The following HS3ST4 variants were observed in gnomAD, a reference collection of about 807,000 sequenced individuals.
The protein encoded by HS3ST4 is heparan sulfate glucosamine 3-O-sulfotransferase 4.
A neutral mutation model predicts 29.2 loss-of-function variants in HS3ST4; 17 were observed. The ratio of observed to expected loss-of-function variants is 0.58; its 90% confidence interval spans 0.40 to 0.87. HS3ST4 has a LOEUF of 0.87. Ranked by LOEUF, HS3ST4 falls within the 40% of genes least tolerant of loss-of-function variation. The probability of loss-of-function intolerance (pLI) is 0.00; values close to 1 mark genes in which losing one functional copy is unlikely to be tolerated. For missense variants in HS3ST4, 627 were observed against 634.5 expected, an observed-to-expected ratio of 0.99 and a Z score of 0.13; for synonymous variants, 314 against 285.7, an observed-to-expected ratio of 1.10 and a Z score of -1.00.
chr16:25,740,806 C>T (rs1966646586), intron 1 of HS3ST4, among the ~76,000 whole-genome samples: 1 of 152,142 alleles, frequency 6.6e-6, no homozygotes, highest in Non-Finnish European at 1.5e-5. Context: ...ACCAGGGGTT[C>T]ACATATCCTT....
intron 1 of HS3ST4, among the ~76,000 whole-genome samples, chr16:25,715,985 G>A (rs1276182430): frequency 6.6e-6 from 1 of 152,224 alleles, no homozygotes; most frequent in African/African-American, 2.4e-5. Flanking sequence ...CAGGGAAAGA[G>A]GTCAGGGGGA....
At chr16:25,855,917 A>G (rs1967570036) in intron 1 of HS3ST4, among the ~76,000 whole-genome samples, 1 of 152,028 alleles carries the variant, frequency 6.6e-6, no homozygotes, top group African/African-American at 2.4e-5. Context: ...GAAAGGATAG[A>G]GGGGCCTGGA....
chr16:26,040,413 C>G (rs746516940), intron 1 of HS3ST4, among the ~76,000 whole-genome samples: 26 of 151,934 alleles, frequency 1.7e-4, no homozygotes, highest in Middle Eastern at 3.4e-3. Context: ...AAGGGATTCT[C>G]CTGCCTCAGC....
chr16:25,832,847 G>C (rs1967318243), intron 1 of HS3ST4, among the ~76,000 whole-genome samples: 1 of 152,122 alleles, frequency 6.6e-6, no homozygotes, highest in African/African-American at 2.4e-5. Flanking sequence ...AGCACAATTT[G>C]CAGCAAAGAC....
chr16:25,811,046 G>T (rs183907057), intron 1 of HS3ST4, among the ~76,000 whole-genome samples: 1 of 152,230 alleles, frequency 6.6e-6, no homozygotes, highest in South Asian at 2.1e-4. Flanking sequence ...ATTAAGAAAC[G>T]GTTGGTGGTG....
chr16:26,035,509 A>G (rs1969574355), intron 1 of HS3ST4, among the ~76,000 whole-genome samples: 1 of 152,256 alleles, frequency 6.6e-6, no homozygotes, highest in Non-Finnish European at 1.5e-5. Flanking sequence ...GGTGAAGTCA[A>G]CAATATCCAT....
chr16:25,999,349 G>A (rs1969185098), intron 1 of HS3ST4, among the ~76,000 whole-genome samples: 1 of 152,116 alleles, frequency 6.6e-6, no homozygotes, highest in African/African-American at 2.4e-5. Context: ...GGTGCTGCTA[G>A]GGTTAGCTGT....
intron 1 of HS3ST4, among the ~76,000 whole-genome samples, chr16:25,834,488 C>T (rs570626274): frequency 1.1e-4 from 16 of 152,292 alleles, no homozygotes; most frequent in Non-Finnish European, 1.9e-4. Context: ...CAGGACTACA[C>T]GCTGCCATGG....
At chr16:25,843,492 C>T (rs1967436110) in intron 1 of HS3ST4, among the ~76,000 whole-genome samples, 1 of 152,190 alleles carries the variant, frequency 6.6e-6, no homozygotes, top group Admixed American at 6.5e-5. Context: ...AGTATTCTAT[C>T]AACCAAATAT....
intron 1 of HS3ST4, among the ~76,000 whole-genome samples, chr16:25,710,011 A>G (rs1014278113): frequency 6.6e-6 from 1 of 152,194 alleles, no homozygotes; most frequent in African/African-American, 2.4e-5. Context: ...GCATTTGATC[A>G]GTCTTAATTT....
intron 1 of HS3ST4, among the ~76,000 whole-genome samples, chr16:25,874,027 C>T (rs529252953): frequency 3.9e-5 from 6 of 152,218 alleles, no homozygotes; most frequent in Admixed American, 6.5e-5. Flanking sequence ...ACACTCTCAT[C>T]GCACCTCACG....
intron 1 of HS3ST4, among the ~76,000 whole-genome samples, chr16:25,905,322 C>CA (rs1390523495): frequency 1.3e-5 from 2 of 151,408 alleles, no homozygotes; most frequent in African/African-American, 2.4e-5. Flanking sequence ...GGTGGGATTG[C>CA]AAAAAAATTA....
chr16:25,763,538 T>G (rs1450169050), intron 1 of HS3ST4, among the ~76,000 whole-genome samples: 4 of 152,158 alleles, frequency 2.6e-5, no homozygotes, highest in Non-Finnish European at 5.9e-5. Context: ...GGTGCTGGGA[T>G]GTAATTGTGT....
intron 1 of HS3ST4, among the ~76,000 whole-genome samples, chr16:25,956,648 C>T (rs1968735409): frequency 6.6e-6 from 1 of 152,204 alleles, no homozygotes; most frequent in South Asian, 2.1e-4. Context: ...TTTTATATGG[C>T]TGCATGTGGA....
chr16:25,945,208 A>G (rs867284478), intron 1 of HS3ST4, among the ~76,000 whole-genome samples: 3 of 152,162 alleles, frequency 2.0e-5, no homozygotes, highest in African/African-American at 4.8e-5. Context: ...TATTGTGCAT[A>G]TTGTATATTA....
At chr16:26,119,117 G>C (rs902412982) in intron 1 of HS3ST4, among the ~76,000 whole-genome samples, 2 of 152,216 alleles carry the variant, frequency 1.3e-5, no homozygotes, top group African/African-American at 4.8e-5. Context: ...GTCCCAGATT[G>C]TGTACACTGC....
At chr16:26,110,345 C>G (rs1899112613) in intron 1 of HS3ST4, among the ~76,000 whole-genome samples, 1 of 152,158 alleles carries the variant, frequency 6.6e-6, no homozygotes, top group African/African-American at 2.4e-5. Flanking sequence ...GATTTCATGT[C>G]TTGGCTCAGA....
intron 1 of HS3ST4, among the ~76,000 whole-genome samples, chr16:26,112,039 T>A (rs1017842711): frequency 5.3e-5 from 8 of 152,004 alleles, no homozygotes; most frequent in Non-Finnish European, 8.8e-5. Context: ...AATTCTCTTT[T>A]GAGCCCTGCC....
chr16:25,859,794 G>A (rs927266350), intron 1 of HS3ST4, among the ~76,000 whole-genome samples: 1 of 152,174 alleles, frequency 6.6e-6, no homozygotes, highest in Non-Finnish European at 1.5e-5. Context: ...AGGAATCTGG[G>A]AAATGCAGAT....
Sources: allele counts gnomAD v4.1 joint callset (sites outside exome capture counted in the v4.1 genomes callset), GRCh38; gene constraint gnomAD v4.1.1; transcripts MANE v1.5; gene names NCBI Gene and HGNC (gene_info 2026-07-23, HGNC 2026-07-21).